The following ATE1 variants were observed in gnomAD, a reference collection of about 807,000 sequenced individuals.
ATE1 encodes the protein arginyl-tRNA--protein transferase 1.
ATE1 carries 36 observed loss-of-function variants against 70.5 expected under a neutral mutation model. That is an observed-to-expected ratio of 0.51 (90% CI 0.39 to 0.67). ATE1 has a LOEUF of 0.67. Among genes scored for constraint, ATE1 ranks in the 30% least tolerant of loss-of-function variants. The pLI is 0.00. For missense variants in ATE1, 593 were observed against 629.5 expected (o/e 0.94, Z 0.62); for synonymous variants, 232 against 219.3 (o/e 1.06, Z -0.51).
chr10:121,758,472 T>A lies in ATE1; in HGVS notation c.1379-14614A>T, dbSNP rs571579192. ...AGTAGCAATACCTCTGAAAATTTCC[T>A]GGAGCATAAAATTAAATTAGAAATT... is the stretch of plus-strand genomic sequence containing the variant. On this transcript the variant is annotated intron_variant, in intron 11 of 11. Transcript: ENST00000224652. 1.1e-3 allele frequency among the ~76,000 whole-genome samples: 172 copies of A among 152,346 alleles called. 2 individuals are homozygous for A. The highest frequency in any genetic ancestry group is 0.01 in the Middle Eastern group (3 of 294).
intron 10 of ATE1, among the ~76,000 whole-genome samples, chr10:121,793,465 T>C (rs1281358740): frequency 1.3e-5 from 2 of 152,298 alleles, no homozygotes; most frequent in Non-Finnish European, 2.9e-5. Context: ...AGTTGTGCCA[T>C]TTTACATTCT....
intron 8 of ATE1, among the ~76,000 whole-genome samples, chr10:121,851,025 A>G (rs1262738220): frequency 7.8e-6 from 1 of 128,950 alleles, no homozygotes; most frequent in East Asian, 2.5e-4. Context: ...TGGGACGTGG[A>G]GCTTGCAGTG....
intron 11 of ATE1, among the ~76,000 whole-genome samples, chr10:121,783,869 C>T (rs996156309): frequency 1.1e-4 from 16 of 152,018 alleles, no homozygotes; most frequent in African/African-American, 3.9e-4. Flanking sequence ...AAAGGAACTG[C>T]TTGTTTGGGG....
At chr10:121,913,067 G>A (rs1951508670) in intron 4 of ATE1, among the ~76,000 whole-genome samples, 1 of 152,132 alleles carries the variant, frequency 6.6e-6, no homozygotes, top group South Asian at 2.1e-4. Context: ...TTTTAGTAGA[G>A]ACAGGGTTTC....
intron 7 of ATE1, among the ~76,000 whole-genome samples, chr10:121,896,634 C>A (rs1950790188): frequency 6.6e-6 from 1 of 151,736 alleles, no homozygotes; most frequent in Non-Finnish European, 1.5e-5. Context: ...CATGGTGAAA[C>A]CCTGTCTCTA....
chr10:121,926,877 TC>T (rs143235661), intron 1 of ATE1: 15,856 of 985,406 alleles, frequency 0.016, 268 homozygotes, highest in African/African-American at 0.079. Context: ...AATCCTCACT[TC>T]TAACGATTGC....
At chr10:121,766,207 T>A (rs1206883481) in intron 11 of ATE1, among the ~76,000 whole-genome samples, 1 of 152,172 alleles carries the variant, frequency 6.6e-6, no homozygotes, top group Middle Eastern at 3.2e-3. Flanking sequence ...TAATTTTAGA[T>A]TTTCTCAATT....
At chr10:121,866,015 A>C (rs1035860030) in intron 8 of ATE1, among the ~76,000 whole-genome samples, 2 of 152,188 alleles carry the variant, frequency 1.3e-5, no homozygotes, top group Non-Finnish European at 2.9e-5. Flanking sequence ...GAATAATTTG[A>C]CTTTTATTCA....
intron 11 of ATE1, among the ~76,000 whole-genome samples, chr10:121,747,505 G>C (rs1944417228): frequency 6.6e-6 from 1 of 152,164 alleles, no homozygotes; most frequent in African/African-American, 2.4e-5. Flanking sequence ...AGCTGCTCTT[G>C]AAGTTGTCAG....
At chr10:121,884,669 G>C (rs1179156105) in intron 7 of ATE1, among the ~76,000 whole-genome samples, 1 of 152,150 alleles carries the variant, frequency 6.6e-6, no homozygotes, top group African/African-American at 2.4e-5. Flanking sequence ...AATGTTCCCA[G>C]TGCTAGTTTT....
At chr10:121,802,261 C>A (rs1946913010) in intron 10 of ATE1, among the ~76,000 whole-genome samples, 1 of 151,886 alleles carries the variant, frequency 6.6e-6, no homozygotes, top group Admixed American at 6.6e-5. Flanking sequence ...GGGGTACTCA[C>A]AGGCTATCTT....
intron 8 of ATE1, among the ~76,000 whole-genome samples, chr10:121,842,681 C>T (rs1948674850): frequency 1.3e-5 from 2 of 152,084 alleles, no homozygotes; most frequent in Non-Finnish European, 2.9e-5. Flanking sequence ...ATTAGAAAAG[C>T]AGCTTTTTAA....
chr10:121,810,964 G>A (rs951977213), intron 10 of ATE1, among the ~76,000 whole-genome samples: 4 of 152,152 alleles, frequency 2.6e-5, no homozygotes, highest in Admixed American at 2.6e-4. Context: ...GCCTCCCAAA[G>A]TGGTGGAATT....
chr10:121,794,519 T>A (rs537174530), intron 10 of ATE1, among the ~76,000 whole-genome samples: 4 of 115,998 alleles, frequency 3.4e-5, no homozygotes, highest in Admixed American at 1.8e-4. Flanking sequence ...GGTGGGAATA[T>A]CTCTTGAGCC....
chr10:121,823,185 T>G (rs7100109), intron 10 of ATE1, among the ~76,000 whole-genome samples: 133,402 of 152,058 alleles, frequency 0.88, 58,880 homozygotes, highest in Middle Eastern at 0.96. Flanking sequence ...AGCTACTCAG[T>G]AGGCTGAGGC....
chr10:121,797,640 T>G (rs1280777014), intron 10 of ATE1, among the ~76,000 whole-genome samples: 1 of 150,468 alleles, frequency 6.6e-6, no homozygotes, highest in African/African-American at 2.4e-5. Context: ...AGGCCCTGAG[T>G]GGCACGGCCC....
intron 8 of ATE1, among the ~76,000 whole-genome samples, chr10:121,846,255 C>T (rs1004647257): frequency 6.6e-6 from 1 of 152,076 alleles, no homozygotes; most frequent in Non-Finnish European, 1.5e-5. Context: ...TAAAACAGTA[C>T]TGACTTTATA....
chr10:121,745,457 C>T (rs1001982227), intron 11 of ATE1, among the ~76,000 whole-genome samples: 4 of 152,222 alleles, frequency 2.6e-5, no homozygotes, highest in Non-Finnish European at 5.9e-5. Flanking sequence ...TGGCTCACGC[C>T]TGTAATCCCA....
chr10:121,855,111 A>G (rs1380687111), intron 8 of ATE1, among the ~76,000 whole-genome samples: 1 of 152,186 alleles, frequency 6.6e-6, no homozygotes, highest in African/African-American at 2.4e-5. Context: ...TTCTTATAAA[A>G]GCTTTTGTAT....
Sources: allele counts gnomAD v4.1 joint callset (sites outside exome capture counted in the v4.1 genomes callset), GRCh38; gene constraint gnomAD v4.1.1; transcripts MANE v1.5; gene names NCBI Gene and HGNC (gene_info 2026-07-23, HGNC 2026-07-21).